PELI1: variants seen among roughly 807,000 people sequenced by gnomAD.
PELI1 encodes pellino E3 ubiquitin protein ligase 1, also known as E3 ubiquitin-protein ligase pellino homolog 1.
A neutral mutation model predicts 41.3 loss-of-function variants in PELI1; 15 were observed. The observed-to-expected ratio is 0.36, with a 90% confidence interval of 0.24 to 0.56. PELI1 has a LOEUF of 0.56. PELI1 is among the 20% of genes least tolerant of loss of function. The pLI, the probability that PELI1 is intolerant of heterozygous loss-of-function variation, is 0.82. For synonymous variants in PELI1, 178 were observed against 180.1 expected (o/e 0.99, Z 0.09); for missense variants, 403 against 525.5 (o/e 0.77, Z 2.28).
intron 1 of PELI1, among the ~76,000 whole-genome samples, chr2:64,122,886 C>T (rs1371616018): frequency 6.6e-6 from 1 of 152,164 alleles, no homozygotes; most frequent in African/African-American, 2.4e-5. Context: ...AAAGAATATA[C>T]TGTGCAATTT....
Position 64,123,067 on chromosome 2 carries a change from C to T in PELI1, c.-69-14688G>A, listed in dbSNP as rs138349962. Among the ~76,000 whole-genome samples, 138 of 152,292 alleles carry T rather than the reference C, an allele frequency of 9.1e-4. 1 individual carries two copies. The highest frequency in any genetic ancestry group is 3.2e-3 in the African/African-American group (135 of 41,556). ...AATTTTGGAGGCAATACCACAAGCA[C>T]TAAAGAACAGAGCAGTCAGCCAATA... On this transcript the variant is annotated intron_variant, in intron 1 of 6. Transcript: ENST00000358912.
intron 1 of PELI1, among the ~76,000 whole-genome samples, chr2:64,133,458 T>C (rs1681622832): frequency 6.6e-6 from 1 of 152,102 alleles, no homozygotes; most frequent in Non-Finnish European, 1.5e-5. Flanking sequence ...ATTATATATA[T>C]AGTTTCTGAC....
At chr2:64,140,373 C>A (rs1391896213) in intron 1 of PELI1, among the ~76,000 whole-genome samples, 1 of 152,058 alleles carries the variant, frequency 6.6e-6, no homozygotes, top group Non-Finnish European at 1.5e-5. Context: ...AGGGGCGATA[C>A]AAGAGTACTA....
At chr2:64,112,710 T>G (rs1427538866) in intron 1 of PELI1, among the ~76,000 whole-genome samples, 2 of 152,222 alleles carry the variant, frequency 1.3e-5, no homozygotes, top group Admixed American at 1.3e-4. Flanking sequence ...GTACCAGTTA[T>G]TTATATACAT....
intron 3 of PELI1, among the ~76,000 whole-genome samples, chr2:64,102,128 G>A (rs891508814): frequency 5.9e-5 from 9 of 151,910 alleles, no homozygotes; most frequent in East Asian, 1.9e-4. Context: ...CCTGGCCTGC[G>A]TCTGATTTTT....
In PELI1 at chr2:64,144,258, C is replaced by A. The variant is rs1268775623; in HGVS notation, c.-247G>T. ...CACGGAGCCGAGCGCTGAGGAGCCG[C>A]GGACGCAGGGAGAGGCGTTGGGGCT... is the stretch of plus-strand genomic sequence containing the variant. On this transcript the variant is annotated 5_prime_UTR_variant, in exon 1 of 7. Coordinates refer to ENST00000358912, the MANE Select transcript of PELI1 (RefSeq NM_020651.4). The A allele has an allele frequency of 2.0e-5, 3 of 152,242 alleles. No individual in the cohort carries two copies. Among genetic ancestry groups the A allele is most frequent in the African/African-American group, 7.2e-5 (3 of 41,454 alleles). 9.4% of individuals were successfully genotyped at this position (152,242 alleles called of 1,614,324 possible). A position where few individuals can be genotyped will look rare whatever the true frequency, so the allele number is the denominator to read the frequency against.
At chr2:64,107,555 A>G (rs542380366) in intron 2 of PELI1, among the ~76,000 whole-genome samples, 1 of 152,348 alleles carries the variant, frequency 6.6e-6, no homozygotes, top group East Asian at 1.9e-4. Flanking sequence ...ACTAACCTAC[A>G]TGAAATGACT....
At position 64,100,456 on chromosome 2, in the gene PELI1, G is replaced by A. The variant is rs1435701934; in HGVS notation, c.245C>T (p.Ser82Phe). The A allele has an allele frequency of 2.5e-6, 4 of 1,591,006 alleles. No homozygotes were observed. Among genetic ancestry groups the A allele is most frequent in the Non-Finnish European group, 3.5e-6 (4 of 1,159,358 alleles). ...KDQHSISYTL[S>F]RAQTVVVEYT... ...TTCAACCACCACAGTCTGGGCCCGA[G>A]ATAAAGTATATGATATGCTATGCTG... The change falls in exon 4 of 7, where the codon TCT becomes TTT. Residue 82 changes from serine to phenylalanine, a missense_variant. Ser to Phe is a radical substitution (Grantham distance 155, BLOSUM62 -2). Transcript: ENST00000358912.
chr2:64,142,184 C>T (rs971414417), intron 1 of PELI1, among the ~76,000 whole-genome samples: 2 of 152,140 alleles, frequency 1.3e-5, no homozygotes, highest in African/African-American at 4.8e-5. Context: ...ATAACCACTT[C>T]ACTACATGCA....
chr2:64,109,347 C>T (rs184017858), intron 1 of PELI1, among the ~76,000 whole-genome samples: 1 of 152,234 alleles, frequency 6.6e-6, no homozygotes, highest in East Asian at 1.9e-4. Flanking sequence ...CTAGTTTTAA[C>T]AGAAAATCAT....
At chr2:64,098,765 G>A (rs774096938) in intron 4 of PELI1, among the ~76,000 whole-genome samples, 9 of 152,178 alleles carry the variant, frequency 5.9e-5, no homozygotes, top group Non-Finnish European at 1.0e-4. Context: ...GACAATCCTA[G>A]AATGTTTCCA....
intron 1 of PELI1, among the ~76,000 whole-genome samples, chr2:64,133,872 A>G (rs2103739978): frequency 6.6e-6 from 1 of 152,242 alleles, no homozygotes; most frequent in East Asian, 1.9e-4. Flanking sequence ...AAGGACATAC[A>G]TGGAAGTATG....
rs1682042009 is a variant in PELI1, at chr2:64,144,383, C to CGACGGTCGCGGCGGCGCCCCA, written c.-373_-372insTGGGGCGCCGCCGCGACCGTC. 2.6e-5 allele frequency: 4 copies of CGACGGTCGCGGCGGCGCCCCA among 152,396 alleles called. No homozygotes were observed. Among genetic ancestry groups the CGACGGTCGCGGCGGCGCCCCA allele is most frequent in the Non-Finnish European group, 5.9e-5 (4 of 68,178 alleles). 9.4% of individuals were successfully genotyped at this position (152,396 alleles called of 1,614,324 possible). A position where few individuals can be genotyped will look rare whatever the true frequency, so the allele number is the denominator to read the frequency against. On this transcript the variant is annotated 5_prime_UTR_variant, in exon 1 of 7. Coordinates refer to ENST00000358912, the MANE Select transcript of PELI1 (RefSeq NM_020651.4). ...CTAGTGGAGGCGGCGGCGGCGCCCC[C>CGACGGTCGCGGCGGCGCCCCA]CGACGGTCCCTCCGCCTCACACCGC... is the stretch of plus-strand genomic sequence containing the variant.
At position 64,096,635 on chromosome 2, in the gene PELI1, TA is replaced by T. The variant is rs1558471000; in HGVS notation, c.304-26del. On this transcript the variant is annotated intron_variant, in intron 4 of 6. Coordinates refer to ENST00000358912, the MANE Select transcript of PELI1 (RefSeq NM_020651.4). ...TCTGAGGGAAAAAAAAAAATACCTA[TA>T]AACCCATTCAAAGAGCACAGTGGAA... The T allele has an allele frequency of 2.7e-6, 4 of 1,508,910 alleles. No individual in the cohort carries two copies. In the South Asian group the frequency reaches 3.4e-5, roughly 13 times the overall value. 93.5% of individuals were successfully genotyped at this position (1,508,910 alleles called of 1,614,324 possible).
intron 1 of PELI1, among the ~76,000 whole-genome samples, chr2:64,112,073 C>T (rs1680823510): frequency 6.6e-6 from 1 of 151,974 alleles, no homozygotes; most frequent in African/African-American, 2.4e-5. Context: ...TAATGGTTTT[C>T]TATTTATAGT....
chr2:64,117,921 T>C (rs1334115383), intron 1 of PELI1, among the ~76,000 whole-genome samples: 1 of 152,130 alleles, frequency 6.6e-6, no homozygotes, highest in Non-Finnish European at 1.5e-5. Flanking sequence ...GCGATTCTCC[T>C]GCCTCAGCCT....
chr2:64,127,075 C>T (rs756899345), intron 1 of PELI1, among the ~76,000 whole-genome samples: 22 of 152,148 alleles, frequency 1.4e-4, no homozygotes, highest in Non-Finnish European at 2.9e-4. Context: ...TCTCTTTATA[C>T]TCTTAGAAAG....
chr2:64,133,567 G>A (rs1014970727), intron 1 of PELI1, among the ~76,000 whole-genome samples: 4 of 151,906 alleles, frequency 2.6e-5, no homozygotes, highest in Non-Finnish European at 4.4e-5. Flanking sequence ...TTCCAAAGAG[G>A]GTGTGAGTGA....
intron 1 of PELI1, among the ~76,000 whole-genome samples, chr2:64,121,490 A>T (rs752054362): frequency 2.0e-5 from 3 of 152,258 alleles, no homozygotes; most frequent in African/African-American, 4.8e-5. Flanking sequence ...CACTGAGAGT[A>T]TAAAAATTCC....
Sources: gnomAD v4.1 joint callset for allele counts (sites outside exome capture counted in the v4.1 genomes callset) on GRCh38, gnomAD v4.1.1 for gene constraint, MANE v1.5 for transcripts, NCBI Gene and HGNC (gene_info 2026-07-23, HGNC 2026-07-21) for gene names.